The following RBM25 variants were observed in gnomAD, a reference collection of about 807,000 sequenced individuals.
RBM25 encodes RNA-binding protein 25.
In RBM25, 19 loss-of-function variants were observed where a neutral mutation model predicts 120.7. The observed-to-expected ratio is 0.16, with a 90% CI of 0.11 to 0.23. The LOEUF (loss-of-function observed/expected upper bound fraction) is 0.23. Among genes scored for constraint, RBM25 ranks in the 10% least tolerant of loss-of-function variants. The pLI is 1.00. For missense variants in RBM25, 605 were observed against 1,041.5 expected (o/e 0.58, Z 5.77); for synonymous variants, 390 against 326.7 (o/e 1.19, Z -2.09).
chr14:73,116,482 G>A (rs1039465754), intron 18 of RBM25, among the ~76,000 whole-genome samples: 5 of 152,166 alleles, frequency 3.3e-5, no homozygotes, highest in African/African-American at 4.8e-5. Context: ...TTCCTTTTCT[G>A]CTGCCTAGCT....
chr14:73,077,736 A>T (rs1356447857), intron 4 of RBM25, among the ~76,000 whole-genome samples, 200 bp downstream of exon 4: 1 of 152,124 alleles, frequency 6.6e-6, no homozygotes, highest in Non-Finnish European at 1.5e-5. Flanking sequence ...TTATGTACAC[A>T]TGTGTACCAC....
rs187692617 is a variant in RBM25, at chr14:73,080,251, T to C, written c.324+2715T>C. The stretch of plus-strand genomic sequence containing the variant: ...TTTTTTTTTTTTTTTTGAGATGGAG[T>C]CTTGCTCTGTCGCCCAGGCTGTAGT... On this transcript the variant is annotated intron_variant, in intron 4 of 18. Coordinates refer to ENST00000261973, the MANE Select transcript of RBM25 (RefSeq NM_021239.3). Among the ~76,000 whole-genome samples the C allele has an allele frequency of 3.7e-4, 48 of 128,662 alleles. No homozygotes were observed. The East Asian group carries it at 0.011, about 29-fold the overall frequency. The allele number at this position is 128,662 out of a possible 152,430, so 84.4% of individuals were successfully genotyped here.
intron 10 of RBM25, among the ~76,000 whole-genome samples, chr14:73,103,905 GTCTCTCTCTCTCTCTCTCTCTCTC>G (rs72346306): frequency 2.8e-4 from 26 of 91,744 alleles, no homozygotes; most frequent in African/African-American, 9.1e-4. Context: ...CTGTCTGTCT[GTCTCTCTCTCTCTCTCTCTCTCTC>G]TCTCTCTCTC....
intron 10 of RBM25, among the ~76,000 whole-genome samples, chr14:73,103,905 G>GTCTCTCTCTCTC (rs72346306): frequency 1.3e-4 from 12 of 91,744 alleles, no homozygotes; most frequent in South Asian, 4.6e-4. Context: ...CTGTCTGTCT[G>GTCTCTCTCTCTC]TCTCTCTCTC....
chr14:73,091,897 A>G (rs535644425), intron 6 of RBM25, among the ~76,000 whole-genome samples: 3 of 152,018 alleles, frequency 2.0e-5, no homozygotes, highest in African/African-American at 7.3e-5. Context: ...GCGAAGTTAC[A>G]TGCAATAAAA....
At chr14:73,098,903 G>A (rs1360969864) in intron 7 of RBM25, among the ~76,000 whole-genome samples, 3 of 152,098 alleles carry the variant, frequency 2.0e-5, no homozygotes, top group South Asian at 2.1e-4. Flanking sequence ...CACCGTGCCC[G>A]ACCCATAACT....
rs1385012690 is a variant in RBM25 at position 73,122,344 on chromosome 14, C to T, written c.*2539C>T. 6.6e-6 allele frequency: 1 copy of T among 151,148 alleles called. No individual in the cohort carries two copies. Among genetic ancestry groups the T allele is most frequent in the Non-Finnish European group, 1.5e-5 (1 of 67,912 alleles). 9.4% of individuals were successfully genotyped at this position (151,148 alleles called of 1,614,324 possible). A position where few individuals can be genotyped will look rare whatever the true frequency, so the allele number is the denominator to read the frequency against. On this transcript the variant is annotated 3_prime_UTR_variant, in exon 19 of 19. Transcript: ENST00000261973. ...AGGATGGAGTGCAATGGCGCGAGCT[C>T]AGCTCACTTCAACTTCCGCCTCCCG...
chr14:73,097,148 G>T, intron 7 of RBM25, 48 bp downstream of exon 7: 1 of 1,209,556 alleles, frequency 8.3e-7, no homozygotes, highest in Non-Finnish European at 1.1e-6. Context: ...TGTTTTTTAT[G>T]ATATCACTCT....
intron 14 of RBM25, 24 bp from the exon 15 acceptor site, chr14:73,110,807 A>G (rs764109583): frequency 6.3e-7 from 1 of 1,583,094 alleles, no homozygotes; most frequent in African/African-American, 1.4e-5. Context: ...GTTGTAGTTA[A>G]TCAGATTATT....
intron 5 of RBM25, among the ~76,000 whole-genome samples, chr14:73,084,272 A>G (rs983965662): frequency 7.9e-5 from 12 of 152,134 alleles, no homozygotes; most frequent in Non-Finnish European, 1.5e-4. Context: ...CTAGTTGGCA[A>G]TTTGTTTTAA....
intron 9 of RBM25, chr14:73,102,942 C>A: frequency 1.7e-6 from 1 of 596,244 alleles, no homozygotes; most frequent in Non-Finnish European, 2.6e-6. Flanking sequence ...GAGTGGCCAG[C>A]CACACCTGAC....
At chr14:73,088,569 C>G in intron 6 of RBM25, 1 of 358,228 alleles carries the variant, frequency 2.8e-6, no homozygotes, top group East Asian at 7.3e-5. Flanking sequence ...AGTCTGATTA[C>G]TTGCCTTAGG....
At position 73,103,990 on chromosome 14, in the gene RBM25, ACACACTCT is replaced by A. The variant is rs1390622202; in HGVS notation, c.1154+514_1154+521del. On this transcript the variant is annotated intron_variant, in intron 10 of 18. Transcript: ENST00000261973. ...CACACACACACACACACACACACAC[ACACACTCT>A]CTCTCTCTCTCTCTCTCTCACTATG... Among the ~76,000 whole-genome samples the A allele has an allele frequency of 6.7e-3, 781 of 116,384 alleles. 2 individuals carry two copies. The highest frequency in any genetic ancestry group is 0.011 in the Non-Finnish European group (632 of 56,988). The allele number at this position is 116,384 out of a possible 152,430, so 76.4% of individuals were successfully genotyped here. A position where few individuals can be genotyped will look rare whatever the true frequency, so the allele number is the denominator to read the frequency against.
chr14:73,068,476 T>A, intron 1 of RBM25: 3 of 869,104 alleles, frequency 3.5e-6, no homozygotes, highest in Non-Finnish European at 5.6e-6. Context: ...AATCCAAGTT[T>A]TGACGTATTG....
At chr14:73,107,147 T>C (rs569648276) in intron 12 of RBM25, among the ~76,000 whole-genome samples, 1 of 152,352 alleles carries the variant, frequency 6.6e-6, no homozygotes, top group South Asian at 2.1e-4. Flanking sequence ...AGCCATATTT[T>C]TTCGTTTAAT....
chr14:73,065,162 CTG>C (rs1259451825), intron 1 of RBM25: 3 of 151,698 alleles, frequency 2.0e-5, no homozygotes, highest in East Asian at 1.9e-4. Flanking sequence ...CAGAGTCTCA[CTG>C]TGTCACCCAG....
intron 18 of RBM25, among the ~76,000 whole-genome samples, chr14:73,118,767 CTATT>C (rs1006850080): frequency 2.0e-5 from 3 of 151,206 alleles, no homozygotes; most frequent in South Asian, 2.1e-4. Context: ...TTTACATTTA[CTATT>C]TATTTATTTA....
At chr14:73,109,650 G>A (rs557021606) in intron 14 of RBM25, among the ~76,000 whole-genome samples, 158 bp downstream of exon 14, 1 of 152,096 alleles carries the variant, frequency 6.6e-6, no homozygotes, top group African/African-American at 2.4e-5. Flanking sequence ...AAGATTAGCC[G>A]GGTGTAGTGG....
At chr14:73,109,304 G>C in intron 13 of RBM25, 38 bp from the exon 14 acceptor site, 1 of 1,590,370 alleles carries the variant, frequency 6.3e-7, no homozygotes, top group Non-Finnish European at 8.6e-7. Flanking sequence ...TCAATGATCG[G>C]AGTATTAAAT....
Sources: allele counts gnomAD v4.1 joint callset (sites outside exome capture counted in the v4.1 genomes callset), GRCh38; gene constraint gnomAD v4.1.1; transcripts MANE v1.5; gene names NCBI Gene and HGNC (gene_info 2026-07-23, HGNC 2026-07-21).